CEP44: variants seen among roughly 807,000 people sequenced by gnomAD.
CEP44 encodes the protein centrosomal protein of 44 kDa.
Under a neutral mutation model 46.7 loss-of-function variants are expected in CEP44, and 45 were observed. The ratio of observed to expected loss-of-function variants is 0.96; its 90% CI spans 0.76 to 1.24. The LOEUF is 1.24. Among genes scored for constraint, CEP44 ranks in the 50% most tolerant of loss-of-function variants. CEP44 has a pLI of 0.00. For missense variants in CEP44, 475 were observed against 459.7 expected (o/e 1.03, Z -0.30); for synonymous variants, 142 against 146.0 (o/e 0.97, Z 0.20).
At chr4:174,327,188 TAGAG>T (rs142198551) in intron 8 of CEP44, among the ~76,000 whole-genome samples, 30,294 of 147,914 alleles carry the variant, frequency 0.2, 3,140 homozygotes, top group Middle Eastern at 0.33. Context: ...TATATATATT[TAGAG>T]AGAGAGAGAG....
In CEP44 at chr4:174,308,850, T is replaced by C; in HGVS notation, c.669T>C (p.Ala223=). The change falls in exon 7 of 12, where the codon GCT becomes GCC. Residue 223 remains alanine, a synonymous_variant. Transcript: ENST00000503780. Reference sequence around the variant, plus strand: ...AAGTAAAGGTTCCTGAAATCAAGGCTGAGCAACAGGTAACAACTTTGGACT... The same window carrying C: ...AAGTAAAGGTTCCTGAAATCAAGGCCGAGCAACAGGTAACAACTTTGGACT... ...MPEVKVPEIK[A]EQQDVNVNPE... 1.9e-6 allele frequency: 3 copies of C among 1,612,646 alleles called. No homozygotes were observed. The highest frequency in any genetic ancestry group is 2.5e-6 in the Non-Finnish European group (3 of 1,179,172).
intron 1 of CEP44, among the ~76,000 whole-genome samples, chr4:174,294,696 G>A (rs1447654658): frequency 6.7e-6 from 1 of 149,598 alleles, no homozygotes; most frequent in Non-Finnish European, 1.5e-5. Flanking sequence ...CTCCCTCCCG[G>A]AAGGGGTGGC....
downstream of CEP44, among the ~76,000 whole-genome samples, chr4:174,325,073 G>A (rs1316206738): frequency 6.6e-6 from 1 of 152,184 alleles, no homozygotes; most frequent in African/African-American, 2.4e-5. This position sits in a 1 kb window ranked among gnomAD's most constrained non-coding sequence, Gnocchi z 4.4. Context: ...AAAACAGTGT[G>A]TAATGGTCTC....
rs1739137803 is a variant in CEP44 at position 174,297,187 on chromosome 4, A to G, written c.-147-779A>G. Among the ~76,000 whole-genome samples the G allele has an allele frequency of 6.6e-6, 1 of 151,938 alleles. No homozygotes were observed. Among genetic ancestry groups the G allele is most frequent in the South Asian group, 2.1e-4 (1 of 4,806 alleles). ...TCTCTGGCTCATTTTACATTCTCACAAGCTTAATATTTTTTATATCCTTCT... is the reference window on the plus strand; with the variant it reads ...TCTCTGGCTCATTTTACATTCTCACGAGCTTAATATTTTTTATATCCTTCT... On this transcript the variant is annotated intron_variant, in intron 1 of 11. Transcript: ENST00000503780. The surrounding 1 kb of genome is among the most constrained non-coding windows in gnomAD (Gnocchi z 4.3).
chr4:174,302,611 G>A (rs1004302343), intron 4 of CEP44, among the ~76,000 whole-genome samples: 2 of 151,832 alleles, frequency 1.3e-5, no homozygotes, highest in Admixed American at 1.3e-4. Flanking sequence ...CTGAGAGCAT[G>A]TCTTATATTG....
chr4:174,319,119 AT>A lies in CEP44; in HGVS notation c.*1738del. ...CACCATGCTTGGCCACATTTTTAGT[AT>A]TCTAATAAACAGTTGGTCATCAGAA... On this transcript the variant is annotated 3_prime_UTR_variant, in exon 12 of 12. Coordinates refer to ENST00000503780, the MANE Select transcript of CEP44 (RefSeq NM_001040157.3). The A allele has an allele frequency of 1.0e-6, 1 of 984,584 alleles. No homozygotes were observed. The highest frequency in any genetic ancestry group is 1.2e-6 in the Non-Finnish European group (1 of 829,180). 61.0% of individuals were successfully genotyped at this position (984,584 alleles called of 1,614,324 possible).
intron 9 of CEP44, among the ~76,000 whole-genome samples, chr4:174,315,797 C>T (rs1440193406): frequency 6.1e-5 from 9 of 146,622 alleles, no homozygotes; most frequent in African/African-American, 2.0e-4. Flanking sequence ...GCCGAGATCG[C>T]GCCACTGCAC....
At chr4:174,332,228 A>AACAATTAAT (rs1195306028) in exon 9 of CEP44, 2 of 152,364 alleles carry the variant, frequency 1.3e-5, no homozygotes. Flanking sequence ...CAGTAGGCTA[A>AACAATTAAT]AGGTACGGTG....
chr4:174,289,190 A>G (rs962856413), intron 1 of CEP44, among the ~76,000 whole-genome samples: 2 of 151,720 alleles, frequency 1.3e-5, no homozygotes, highest in African/African-American at 4.8e-5. Context: ...TTTTACGTCT[A>G]TATTCATCAA....
chr4:174,317,528 T>A lies in CEP44; in HGVS notation c.*145T>A. On this transcript the variant is annotated 3_prime_UTR_variant, in exon 12 of 12. Coordinates refer to ENST00000503780, the MANE Select transcript of CEP44 (RefSeq NM_001040157.3). Reference sequence around the variant, plus strand: ...TTTGGTATATGAATTTTTGCATTCATTATTGAATAACTCTTTTAATATTTT... The same window carrying A: ...TTTGGTATATGAATTTTTGCATTCAATATTGAATAACTCTTTTAATATTTT... The A allele has an allele frequency of 8.3e-7, 1 of 1,201,374 alleles. No individual in the cohort carries two copies. The highest frequency in any genetic ancestry group is 1.0e-6 in the Non-Finnish European group (1 of 957,194). 74.4% of individuals were successfully genotyped at this position (1,201,374 alleles called of 1,614,324 possible). A position where few individuals can be genotyped will look rare whatever the true frequency, so the allele number is the denominator to read the frequency against.
At chr4:174,303,912 T>A (rs903507136) in intron 5 of CEP44, 63 bp downstream of exon 5, 1 of 1,154,118 alleles carries the variant, frequency 8.7e-7, no homozygotes, top group Non-Finnish European at 1.2e-6. Flanking sequence ...AGTATTTTAA[T>A]GTATAAAATC....
rs1228054133 is a variant in CEP44 at position 174,316,552 on chromosome 4, A to G, written c.1109A>G (p.Glu370Gly). Residue 370 changes from glutamate (E) to glycine (G), a missense_variant, in exon 11 of 12, where the codon GAA becomes GGA. Coordinates refer to ENST00000503780, the MANE Select transcript of CEP44 (RefSeq NM_001040157.3). ...ISEETTIQKMERMKKMFEETA... is the reference protein window; with the variant it reads ...ISEETTIQKMGRMKKMFEETA... ...AAGGAAACAACAATCCAGAAAATGG[A>G]AAGGATGAAAAAAATGTAAGTAACA... 2 of 1,588,568 alleles carry G rather than the reference A, an allele frequency of 1.3e-6. No individual in the cohort carries two copies. Among genetic ancestry groups the G allele is most frequent in the Non-Finnish European group, 1.7e-6 (2 of 1,166,310 alleles).
intron 2 of CEP44, among the ~76,000 whole-genome samples, chr4:174,298,779 TA>T (rs368078048): frequency 9.9e-5 from 15 of 151,348 alleles, no homozygotes; most frequent in Admixed American, 2.0e-4. Context: ...GCTTTATGCT[TA>T]AAAAAAAACT....
rs1171542454 is a variant in CEP44, at chr4:174,298,078, T to C, written c.-51+16T>C. 1.3e-4 allele frequency: 20 copies of C among 152,274 alleles called. No individual in the cohort carries two copies. The highest frequency in any genetic ancestry group is 1.3e-3 in the Admixed American group (20 of 15,288). 9.4% of individuals were successfully genotyped at this position (152,274 alleles called of 1,614,324 possible). On this transcript the variant is annotated intron_variant, in intron 2 of 11. Coordinates refer to ENST00000503780, the MANE Select transcript of CEP44 (RefSeq NM_001040157.3). ...GCTCTGCTAGGTTGGTTATCCCTTATTCATTTGCTTTTCATTTTCCAAAAT... is the reference window on the plus strand; with the variant it reads ...GCTCTGCTAGGTTGGTTATCCCTTACTCATTTGCTTTTCATTTTCCAAAAT...
chr4:174,317,000 T>C (rs912361250), intron 11 of CEP44, among the ~76,000 whole-genome samples: 1 of 151,876 alleles, frequency 6.6e-6, no homozygotes, highest in African/African-American at 2.4e-5. Flanking sequence ...TGTTTTTGTC[T>C]AGTACAAATG....
Position 174,303,695 on chromosome 4 carries a change from C to T in CEP44, c.238-8C>T. 1 of 1,502,236 alleles carries T rather than the reference C, an allele frequency of 6.7e-7. No homozygotes were observed. Among genetic ancestry groups the T allele is most frequent in the Non-Finnish European group, 9.1e-7 (1 of 1,101,464 alleles). 93.1% of individuals were successfully genotyped at this position (1,502,236 alleles called of 1,614,324 possible). Reference sequence around the variant, plus strand: ...CCCAATTATTACAAGAGTCTGTTTCCTCTGCAGCTTCTTCGTGATCAATTT... The same window carrying T: ...CCCAATTATTACAAGAGTCTGTTTCTTCTGCAGCTTCTTCGTGATCAATTT... On this transcript the variant is annotated splice_region_variant and splice_polypyrimidine_tract_variant and intron_variant, in intron 4 of 11. Transcript: ENST00000503780.
intron 1 of CEP44, among the ~76,000 whole-genome samples, chr4:174,295,517 C>T (rs1315591941): frequency 6.7e-6 from 1 of 149,516 alleles, no homozygotes; most frequent in African/African-American, 2.5e-5. Context: ...GGTAGCCAGG[C>T]AGAGGGGCTC....
chr4:174,295,044 T>C (rs1579081805), intron 1 of CEP44, among the ~76,000 whole-genome samples: 1 of 120,378 alleles, frequency 8.3e-6, no homozygotes, highest in Admixed American at 8.0e-5. Context: ...CCCCCCCACC[T>C]CCCTCCCGGA....
intron 1 of CEP44, 164 bp downstream of exon 1, chr4:174,284,107 C>T: frequency 2.5e-6 from 1 of 399,166 alleles, no homozygotes. Flanking sequence ...CGTGCTGGGC[C>T]TTTGAAACCG....
Sources: gnomAD v4.1 joint callset for allele counts (sites outside exome capture counted in the v4.1 genomes callset) on GRCh38, gnomAD v4.1.1 for gene constraint, Gnocchi (gnomAD v3.1) non-coding constraint, MANE v1.5 for transcripts, NCBI Gene and HGNC (gene_info 2026-07-23, HGNC 2026-07-21) for gene names.